The following PDGFD variants were observed in gnomAD, a reference collection of about 807,000 sequenced individuals.
PDGFD encodes platelet derived growth factor D.
Under a neutral mutation model 44.7 loss-of-function variants are expected in PDGFD, and 30 were observed. The ratio of observed to expected loss-of-function variants is 0.67; its 90% CI spans 0.50 to 0.91. PDGFD has a LOEUF of 0.91. Among genes scored for constraint, PDGFD ranks in the 40% least tolerant of loss-of-function variants. The pLI is 0.00. For synonymous variants in PDGFD, 173 were observed against 168.4 expected (o/e 1.03, Z -0.21); for missense variants, 445 against 457.8 (o/e 0.97, Z 0.25).
intron 3 of PDGFD, among the ~76,000 whole-genome samples, chr11:103,971,527 T>C (rs1227729954): frequency 6.8e-6 from 1 of 146,722 alleles, no homozygotes; most frequent in Non-Finnish European, 1.5e-5. Flanking sequence ...GAGAAATGGA[T>C]TAACAGCAAT....
chr11:103,965,444 G>T (rs908657523), intron 3 of PDGFD, among the ~76,000 whole-genome samples: 3 of 152,124 alleles, frequency 2.0e-5, no homozygotes, highest in Non-Finnish European at 4.4e-5. Context: ...ATTTTCAGCT[G>T]CCAAAGCTCT....
chr11:103,916,652 A>G (rs2134302690), intron 6 of PDGFD, among the ~76,000 whole-genome samples: 1 of 152,298 alleles, frequency 6.6e-6, no homozygotes, highest in East Asian at 1.9e-4. Context: ...TGTTTATTGC[A>G]GCACTGATCA....
chr11:103,996,501 T>C (rs965975988), intron 2 of PDGFD, among the ~76,000 whole-genome samples: 6 of 152,196 alleles, frequency 3.9e-5, no homozygotes, highest in Admixed American at 3.9e-4. Flanking sequence ...ATAATCAAAA[T>C]GGGTCACTTT....
intron 1 of PDGFD, among the ~76,000 whole-genome samples, chr11:104,098,930 G>A (rs897943143): frequency 6.6e-6 from 1 of 151,986 alleles, no homozygotes; most frequent in African/African-American, 2.4e-5. Flanking sequence ...TCTTTGAGAC[G>A]GTAGGTGAAA....
In PDGFD at chr11:104,147,020, T is replaced by A. The variant is rs923917935; in HGVS notation, c.124+16784A>T. Among the ~76,000 whole-genome samples, 16 of 136,404 alleles carry A rather than the reference T, an allele frequency of 1.2e-4. No homozygotes were observed. The East Asian group carries it at 1.4e-3, about 12-fold the overall frequency. The allele number at this position is 136,404 out of a possible 152,430, so 89.5% of individuals were successfully genotyped here. On this transcript the variant is annotated intron_variant, in intron 1 of 6. Coordinates refer to ENST00000393158, the MANE Select transcript of PDGFD (RefSeq NM_025208.5). Reference sequence around the variant, plus strand: ...GGCATACTAAAAAAAAAAAAAAAAATAGTTGTTTTAAAAACCACTTCTTTG... The same window carrying A: ...GGCATACTAAAAAAAAAAAAAAAAAAAGTTGTTTTAAAAACCACTTCTTTG...
intron 3 of PDGFD, among the ~76,000 whole-genome samples, chr11:103,975,860 G>A (rs1295926205): frequency 2.0e-5 from 3 of 152,090 alleles, no homozygotes; most frequent in African/African-American, 7.2e-5. Context: ...CTATATATCT[G>A]TTTTAATACC....
At chr11:104,011,942 C>T (rs1591120321) in intron 1 of PDGFD, among the ~76,000 whole-genome samples, 1 of 152,040 alleles carries the variant, frequency 6.6e-6, no homozygotes, top group Admixed American at 6.5e-5. Context: ...GTCACTGATG[C>T]TCAAGGAAAT....
At chr11:104,060,048 C>A (rs947770730) in intron 1 of PDGFD, among the ~76,000 whole-genome samples, 6 of 152,152 alleles carry the variant, frequency 3.9e-5, no homozygotes, top group African/African-American at 1.2e-4. Flanking sequence ...TACACTAACT[C>A]CTAATTTGAT....
intron 3 of PDGFD, among the ~76,000 whole-genome samples, chr11:103,983,171 C>T (rs1859299958): frequency 6.6e-6 from 1 of 151,730 alleles, no homozygotes; most frequent in East Asian, 1.9e-4. Context: ...TCAAACTATA[C>T]TTACAGGGTT....
intron 1 of PDGFD, among the ~76,000 whole-genome samples, chr11:104,088,313 CT>C (rs1215846465): frequency 6.6e-6 from 1 of 152,144 alleles, no homozygotes; most frequent in East Asian, 1.9e-4. Context: ...TTTATTCTGC[CT>C]TACTGAAAGG....
At chr11:103,968,347 G>A (rs555843189) in intron 3 of PDGFD, among the ~76,000 whole-genome samples, 5 of 152,194 alleles carry the variant, frequency 3.3e-5, no homozygotes, top group African/African-American at 9.6e-5. Flanking sequence ...AGATCAGATC[G>A]TTTTCCCAAA....
At chr11:103,965,709 T>C (rs149238142) in intron 3 of PDGFD, among the ~76,000 whole-genome samples, 3 of 152,288 alleles carry the variant, frequency 2.0e-5, no homozygotes, top group Non-Finnish European at 4.4e-5. Flanking sequence ...CTGACCATGG[T>C]AGACTTGATC....
intron 1 of PDGFD, among the ~76,000 whole-genome samples, chr11:104,140,360 A>T (rs1862067778): frequency 6.6e-6 from 1 of 152,118 alleles, no homozygotes; most frequent in Non-Finnish European, 1.5e-5. Flanking sequence ...ACACATAAAC[A>T]TTCCAGCAGA....
chr11:103,961,871 G>A (rs1591096392), intron 3 of PDGFD, among the ~76,000 whole-genome samples: 1 of 152,144 alleles, frequency 6.6e-6, no homozygotes, highest in African/African-American at 2.4e-5. Context: ...TGCAGCCCAG[G>A]TCTCTTGACA....
intron 3 of PDGFD, among the ~76,000 whole-genome samples, chr11:103,955,882 A>G (rs1858836478): frequency 6.6e-6 from 1 of 152,132 alleles, no homozygotes; most frequent in Non-Finnish European, 1.5e-5. Context: ...TTCATTTATC[A>G]TTATTGACAA....
At chr11:103,942,416 T>C (rs957604670) in intron 5 of PDGFD, among the ~76,000 whole-genome samples, 1 of 152,118 alleles carries the variant, frequency 6.6e-6, no homozygotes, top group Non-Finnish European at 1.5e-5. Flanking sequence ...TAAGATCATA[T>C]CACTCAGATG....
At chr11:104,120,497 CG>C (rs779476115) in intron 1 of PDGFD, among the ~76,000 whole-genome samples, 17 of 151,974 alleles carry the variant, frequency 1.1e-4, no homozygotes, top group Middle Eastern at 3.4e-3. Context: ...CTGGCACCAA[CG>C]GCCTTCGATC....
chr11:104,117,064 G>A (rs1047891807), intron 1 of PDGFD, among the ~76,000 whole-genome samples: 2 of 151,862 alleles, frequency 1.3e-5, no homozygotes, highest in Non-Finnish European at 2.9e-5. Flanking sequence ...CAGGGATGCA[G>A]GGATGGTTTA....
At chr11:104,047,245 G>T (rs890840972) in intron 1 of PDGFD, among the ~76,000 whole-genome samples, 1 of 147,180 alleles carries the variant, frequency 6.8e-6, no homozygotes, top group Non-Finnish European at 1.5e-5. Context: ...TAATTCTTTG[G>T]GTATATACCC....
Sources: gnomAD v4.1 joint callset for allele counts (sites outside exome capture counted in the v4.1 genomes callset) on GRCh38, gnomAD v4.1.1 for gene constraint, MANE v1.5 for transcripts, NCBI Gene and HGNC (gene_info 2026-07-23, HGNC 2026-07-21) for gene names.